NAV2: variants seen among roughly 807,000 people sequenced by gnomAD.
The protein encoded by NAV2 is helicase, APC down-regulated 1.
In NAV2, 54 loss-of-function variants were observed where a neutral mutation model predicts 223.2. The observed-to-expected ratio is 0.24, with a 90% CI of 0.19 to 0.30. The LOEUF is 0.30. Among genes scored for constraint, NAV2 ranks in the 10% least tolerant of loss-of-function variants. NAV2 has a pLI of 1.00. For missense variants in NAV2, 2,806 were observed against 3,147.5 expected (o/e 0.89, Z 2.60); for synonymous variants, 1,279 against 1,239.3 (o/e 1.03, Z -0.67).
intron 1 of NAV2, among the ~76,000 whole-genome samples, chr11:19,825,645 T>C (rs1251284733): frequency 6.6e-6 from 1 of 152,224 alleles, no homozygotes; most frequent in African/African-American, 2.4e-5. Context: ...TTGGGTTCTT[T>C]AGTGCTACCC....
chr11:19,467,100 A>C (rs1033977259), intron 1 of NAV2, among the ~76,000 whole-genome samples: 4 of 152,162 alleles, frequency 2.6e-5, no homozygotes, highest in African/African-American at 9.7e-5. Context: ...GGATCACATT[A>C]CATGTACATG....
intron 10 of NAV2, among the ~76,000 whole-genome samples, chr11:19,962,575 A>T (rs1180801281): frequency 1.3e-5 from 2 of 152,212 alleles, no homozygotes; most frequent in African/African-American, 2.4e-5. Flanking sequence ...GTGACCACAG[A>T]TCAAGACTCT....
chr11:19,552,031 C>T (rs562607761), intron 1 of NAV2, among the ~76,000 whole-genome samples: 4 of 152,096 alleles, frequency 2.6e-5, no homozygotes, highest in East Asian at 3.9e-4. Flanking sequence ...CTGAGGAGGA[C>T]GGGGGAGGCA....
At chr11:19,669,801 G>A (rs1022618861) in intron 1 of NAV2, among the ~76,000 whole-genome samples, 8 of 152,230 alleles carry the variant, frequency 5.3e-5, no homozygotes, top group African/African-American at 1.9e-4. Flanking sequence ...AAGTGCCAAT[G>A]AGTGAGACCC....
At chr11:19,778,294 G>C (rs995096878) in intron 1 of NAV2, 1 of 453,394 alleles carries the variant, frequency 2.2e-6, no homozygotes, top group African/African-American at 2.0e-5. Flanking sequence ...AGCCAGTGCT[G>C]TGGCCAAGTC....
At chr11:20,037,103 C>T (rs1365781861) in intron 12 of NAV2, among the ~76,000 whole-genome samples, 2 of 152,142 alleles carry the variant, frequency 1.3e-5, no homozygotes, top group Admixed American at 6.5e-5. Context: ...GCATTGGCGT[C>T]GTAGGCTGGA....
At chr11:19,857,047 T>C (rs963995211) in intron 3 of NAV2, among the ~76,000 whole-genome samples, 1 of 152,240 alleles carries the variant, frequency 6.6e-6, no homozygotes, top group Non-Finnish European at 1.5e-5. Flanking sequence ...TGAGTTTCAC[T>C]CTTGGCCTTC....
At position 19,845,177 on chromosome 11, in the gene NAV2, T is replaced by C. The variant is rs74390343; in HGVS notation, c.438+2254T>C. Among the ~76,000 whole-genome samples the C allele has an allele frequency of 3.9e-3, 596 of 152,288 alleles. 5 individuals are homozygous for C. Among genetic ancestry groups the C allele is most frequent in the African/African-American group, 0.013 (561 of 41,578 alleles). On this transcript the variant is annotated intron_variant, in intron 3 of 37. Transcript: ENST00000349880. ...GGACACCTGTGTGCACACAAGCATA[T>C]ATAGAGTTAAAGCACTTTTGCTCAT...
intron 10 of NAV2, among the ~76,000 whole-genome samples, chr11:19,965,747 T>C (rs942281633): frequency 1.3e-5 from 2 of 152,264 alleles, no homozygotes; most frequent in African/African-American, 4.8e-5. Context: ...TACTCCATAA[T>C]GTAGCTTCTT....
intron 11 of NAV2, among the ~76,000 whole-genome samples, chr11:20,030,753 A>G (rs964146762): frequency 5.9e-5 from 9 of 152,266 alleles, no homozygotes; most frequent in Admixed American, 2.0e-4. Flanking sequence ...AATTATTTTC[A>G]TAAAGATTTC....
At chr11:19,990,229 C>G (rs2051190340) in intron 11 of NAV2, among the ~76,000 whole-genome samples, 2 of 152,098 alleles carry the variant, frequency 1.3e-5, no homozygotes, top group African/African-American at 4.8e-5. Flanking sequence ...AAAGGGATGC[C>G]CATTTGTGAA....
At chr11:19,895,977 G>C (rs1191615004) in intron 6 of NAV2, among the ~76,000 whole-genome samples, 1 of 152,082 alleles carries the variant, frequency 6.6e-6, no homozygotes, top group Non-Finnish European at 1.5e-5. Flanking sequence ...CTTGTGAACA[G>C]ATAAGCCACA....
At chr11:19,582,789 T>A (rs1405759643) in intron 1 of NAV2, among the ~76,000 whole-genome samples, 1 of 152,218 alleles carries the variant, frequency 6.6e-6, no homozygotes, top group Non-Finnish European at 1.5e-5. Flanking sequence ...TAGTTTGAAG[T>A]CAGGTAGTGT....
chr11:20,054,077 C>A lies in NAV2; in HGVS notation c.4482-3C>A. On this transcript the variant is annotated splice_polypyrimidine_tract_variant and splice_region_variant and intron_variant, in intron 17 of 37. Transcript: ENST00000349880. Reference sequence around the variant, plus strand: ...AATTCCGGCTTGATTTCTGTCTGTCCAGGTATACTCCCACCTCCCAGCTTC... The same window carrying A: ...AATTCCGGCTTGATTTCTGTCTGTCAAGGTATACTCCCACCTCCCAGCTTC... 1 of 1,612,180 alleles carries A rather than the reference C, an allele frequency of 6.2e-7. No individual in the cohort carries two copies. Among genetic ancestry groups the A allele is most frequent in the East Asian group, 2.2e-5 (1 of 44,720 alleles).
At chr11:19,627,274 G>C (rs1271340651) in intron 1 of NAV2, among the ~76,000 whole-genome samples, 1 of 152,116 alleles carries the variant, frequency 6.6e-6, no homozygotes, top group Non-Finnish European at 1.5e-5. Context: ...TGTAATCCCA[G>C]GTACTCAGGA....
chr11:20,038,054 T>C (rs937989983), intron 12 of NAV2, among the ~76,000 whole-genome samples: 26 of 152,294 alleles, frequency 1.7e-4, no homozygotes, highest in African/African-American at 6.0e-4. Context: ...GAGATGCAGG[T>C]GGAGCCAGTA....
chr11:19,471,419 T>A (rs1215668411), intron 1 of NAV2, among the ~76,000 whole-genome samples: 4 of 152,162 alleles, frequency 2.6e-5, no homozygotes, highest in African/African-American at 9.7e-5. Flanking sequence ...GCGACAGCAA[T>A]AACTATTTCT....
chr11:19,849,015 T>C (rs1328529358), intron 3 of NAV2, among the ~76,000 whole-genome samples: 4 of 152,150 alleles, frequency 2.6e-5, no homozygotes, highest in Admixed American at 2.6e-4. Flanking sequence ...CTCGCAGGGT[T>C]ACCATGAGAT....
chr11:19,369,860 G>A (rs1312594019), intron 1 of NAV2, among the ~76,000 whole-genome samples: 1 of 152,128 alleles, frequency 6.6e-6, no homozygotes, highest in East Asian at 1.9e-4. Flanking sequence ...TCTTGCTGGG[G>A]CTTTAACCAG....
Sources: gnomAD v4.1 joint callset for allele counts (sites outside exome capture counted in the v4.1 genomes callset) on GRCh38, gnomAD v4.1.1 for gene constraint, MANE v1.5 for transcripts, NCBI Gene and HGNC (gene_info 2026-07-23, HGNC 2026-07-21) for gene names.